Variants in ADAM28 observed in about 807,000 individuals in gnomAD.
The protein encoded by ADAM28 is ADAM metallopeptidase domain 28.
In ADAM28, 105 loss-of-function variants were observed where a neutral mutation model predicts 101.2. The ratio of observed to expected loss-of-function variants is 1.04; its 90% CI spans 0.89 to 1.22. The LOEUF is 1.22. ADAM28 is among the 50% of genes most tolerant of loss of function. ADAM28 has a pLI of 0.00. For missense variants in ADAM28, 1,028 were observed against 945.4 expected, an observed-to-expected ratio of 1.09 and a Z score of -1.15; for synonymous variants, 322 against 310.6, an observed-to-expected ratio of 1.04 and a Z score of -0.39.
intron 2 of ADAM28, among the ~76,000 whole-genome samples, chr8:24,303,945 G>A (rs1355568627): frequency 1.3e-5 from 2 of 151,562 alleles, no homozygotes; most frequent in African/African-American, 4.9e-5. Context: ...ATGATTAATT[G>A]TGTCCTTGTG....
chr8:24,330,296 A>C (rs1444685096), intron 11 of ADAM28, among the ~76,000 whole-genome samples, 181 bp downstream of exon 11: 2 of 152,158 alleles, frequency 1.3e-5, no homozygotes, highest in African/African-American at 4.8e-5. Context: ...TAATTTAAAC[A>C]TATTGTCTCT....
chr8:24,352,124 A>G, intron 21 of ADAM28, 72 bp downstream of exon 21: 1 of 1,267,988 alleles, frequency 7.9e-7, no homozygotes. Flanking sequence ...GTCATAGCCC[A>G]CAACACTTCA....
chr8:24,300,325 C>T (rs866817542), intron 2 of ADAM28, among the ~76,000 whole-genome samples: 8 of 152,140 alleles, frequency 5.3e-5, no homozygotes, highest in African/African-American at 1.7e-4. Context: ...TTCACTATAA[C>T]CCAAAGTTAT....
At chr8:24,334,599 G>A (rs1454076430) in intron 13 of ADAM28, among the ~76,000 whole-genome samples, 2 of 152,202 alleles carry the variant, frequency 1.3e-5, no homozygotes, top group Admixed American at 6.5e-5. Flanking sequence ...GGTTTGTCTG[G>A]TATGTGGTAA....
intron 19 of ADAM28, 58 bp downstream of exon 19, chr8:24,350,030 T>A: frequency 6.9e-7 from 1 of 1,454,662 alleles, no homozygotes; most frequent in Non-Finnish European, 9.5e-7. Flanking sequence ...TACTTTACTT[T>A]AAATTCAATG....
At chr8:24,348,717 A>G (rs1815713586) in intron 18 of ADAM28, among the ~76,000 whole-genome samples, 1 of 152,188 alleles carries the variant, frequency 6.6e-6, no homozygotes, top group South Asian at 2.1e-4. Flanking sequence ...CTTACTCTTC[A>G]GTGATTTCTA....
intron 12 of ADAM28, 98 bp downstream of exon 12, chr8:24,331,425 T>C (rs1813347869): frequency 7.9e-7 from 1 of 1,270,496 alleles, no homozygotes; most frequent in African/African-American, 1.6e-5. Flanking sequence ...CATTATAGGT[T>C]TTTTGGGTAA....
intron 6 of ADAM28, among the ~76,000 whole-genome samples, chr8:24,314,504 T>C (rs1810896729): frequency 6.6e-6 from 1 of 152,166 alleles, no homozygotes; most frequent in Non-Finnish European, 1.5e-5. Flanking sequence ...CCAAGATTTA[T>C]TTCAAATCCA....
chr8:24,333,331 C>A (rs1180085821), intron 13 of ADAM28, among the ~76,000 whole-genome samples: 1 of 152,166 alleles, frequency 6.6e-6, no homozygotes, highest in African/African-American at 2.4e-5. Flanking sequence ...GTTCTCACCA[C>A]ACACACACCC....
In ADAM28 at chr8:24,349,960, A is replaced by G. The variant is rs917096956; in HGVS notation, c.2087A>G (p.Lys696Arg). ...CACCAGAGCTCCAGAGAAAAGCAGA[A>G]GAAAGATCAGAGGTGATCCTTTATC... Reference protein sequence around the residue: ...IRHQSSREKQKKDQRPLSTTG... With the variant: ...IRHQSSREKQRKDQRPLSTTG... The change falls in exon 19 of 23, where the codon AAG (lysine) becomes AGG (arginine). Residue 696 changes from lysine to arginine, a missense_variant. Coordinates refer to ENST00000265769, the MANE Select transcript of ADAM28 (RefSeq NM_014265.6). 6.2e-7 allele frequency: 1 copy of G among 1,613,542 alleles called. No homozygotes were observed. The highest frequency in any genetic ancestry group is 1.3e-5 in the African/African-American group (1 of 74,992).
intron 1 of ADAM28, among the ~76,000 whole-genome samples, chr8:24,294,561 T>TC (rs1350938191): frequency 3.7e-4 from 57 of 152,170 alleles, no homozygotes; most frequent in Non-Finnish European, 1.5e-5. Context: ...ATGTGGCAGA[T>TC]TTATTTATTT....
In ADAM28 at chr8:24,349,647, G is replaced by T. The variant is rs118105824; in HGVS notation, c.1991-217G>T. 7.9e-5 allele frequency among the ~76,000 whole-genome samples: 12 copies of T among 152,080 alleles called. No individual in the cohort carries two copies. The East Asian group carries it at 2.3e-3, about 29-fold the overall frequency. ...TATTATGATTTTTAACTTATTTCAT[G>T]TTAAATGTTTCCTATAGATTTCATG... is the stretch of plus-strand genomic sequence containing the variant. On this transcript the variant is annotated intron_variant, in intron 18 of 22. Transcript: ENST00000265769.
chr8:24,320,260 G>T lies in ADAM28; in HGVS notation c.601G>T (p.Glu201Ter). 6.2e-7 allele frequency: 1 copy of T among 1,600,860 alleles called. No homozygotes were observed. Among genetic ancestry groups the T allele is most frequent in the Non-Finnish European group, 8.5e-7 (1 of 1,170,064 alleles). The change falls in exon 7 of 23, where the codon GAA becomes TAA. Residue 201 changes from glutamate (E) to a stop codon, truncating the protein, a stop_gained. Coordinates refer to ENST00000265769, the MANE Select transcript of ADAM28 (RefSeq NM_014265.6). LOFTEE classifies it high-confidence loss of function. Reference protein sequence around the residue: ...LVKLKDRKVQEHEKYIEYYLV... With the variant: ...LVKLKDRKVQ ...GAAATTGAAAGACAGGAAGGTTCAG[G>T]AACATGAGAAATACATAGAATATTA...
At position 24,330,028 on chromosome 8, in the gene ADAM28, A is replaced by G; in HGVS notation, c.1016A>G (p.His339Arg). 1 of 1,613,738 alleles carries G rather than the reference A, an allele frequency of 6.2e-7. No homozygotes were observed. Among genetic ancestry groups the G allele is most frequent in the East Asian group, 2.2e-5 (1 of 44,850 alleles). The change falls in exon 11 of 23, where the codon CAT (histidine) becomes CGT (arginine). Residue 339 changes from histidine to arginine, a missense_variant. Coordinates refer to ENST00000265769, the MANE Select transcript of ADAM28 (RefSeq NM_014265.6). ...CTTAGAGTTGCAGGGACAATGGCAC[A>G]TGAAATGGGCCACAACTTTGGAATG... is the stretch of plus-strand genomic sequence containing the variant. ...NLLRVAGTMA[H>R]EMGHNFGMFH...
intron 6 of ADAM28, among the ~76,000 whole-genome samples, chr8:24,319,180 C>T (rs572397442): frequency 2.0e-5 from 3 of 151,946 alleles, no homozygotes; most frequent in Non-Finnish European, 2.9e-5. Flanking sequence ...TTTTTTTTCC[C>T]TGCTGGAATT....
In ADAM28 at chr8:24,353,782, A is replaced by C; in HGVS notation, c.2257A>C (p.Asn753His). The C allele has an allele frequency of 6.6e-7, 1 of 1,517,102 alleles. No individual in the cohort carries two copies. The highest frequency in any genetic ancestry group is 9.2e-7 in the Non-Finnish European group (1 of 1,092,370). 94.0% of individuals were successfully genotyped at this position (1,517,102 alleles called of 1,614,324 possible). A position where few individuals can be genotyped will look rare whatever the true frequency, so the allele number is the denominator to read the frequency against. ...ATAATTAACGTAGCATAAAGACACA[A>C]ACGCACTTCCCCCTACTGTTTTCAA... ...EPPASFHKDTNALPPTVFKDN... is the reference protein window; with the variant it reads ...EPPASFHKDTHALPPTVFKDN... Residue 753 changes from asparagine (N) to histidine (H), a missense_variant, in exon 22 of 23, where the codon AAC (asparagine) becomes CAC (histidine). By Grantham distance (68) the Asn-to-His change is moderately conservative. Transcript: ENST00000265769.
intron 6 of ADAM28, among the ~76,000 whole-genome samples, chr8:24,319,681 T>A (rs1434101180): frequency 6.6e-6 from 1 of 151,922 alleles, no homozygotes; most frequent in Non-Finnish European, 1.5e-5. Flanking sequence ...GTAACTTTTT[T>A]TTTTTTTGAG....
intron 9 of ADAM28, 129 bp downstream of exon 9, chr8:24,324,132 A>G (rs1812239181): frequency 2.8e-6 from 2 of 708,922 alleles, no homozygotes; most frequent in East Asian, 5.7e-5. Flanking sequence ...TTATATGTCA[A>G]ATATGCTCTT....
chr8:24,330,348 A>G (rs1195420149), intron 11 of ADAM28, among the ~76,000 whole-genome samples: 1 of 152,136 alleles, frequency 6.6e-6, no homozygotes, highest in African/African-American at 2.4e-5. Flanking sequence ...CATCTTATCT[A>G]TACAAGACCT....
Sources: allele counts gnomAD v4.1 joint callset (sites outside exome capture counted in the v4.1 genomes callset), GRCh38; gene constraint gnomAD v4.1.1; transcripts MANE v1.5; gene names NCBI Gene and HGNC (gene_info 2026-07-23, HGNC 2026-07-21).